Variants in LRRK1 observed in about 807,000 individuals in gnomAD.
The protein encoded by LRRK1 is leucine-rich repeat serine/threonine-protein kinase 1.
A neutral mutation model predicts 209.1 loss-of-function variants in LRRK1; 113 were observed. That is an observed-to-expected ratio of 0.54 (90% CI 0.46 to 0.63). The LOEUF is 0.63. Ranked by LOEUF, LRRK1 falls within the 30% of genes least tolerant of loss-of-function variation. The probability of loss-of-function intolerance (pLI) is 0.00; values close to 1 mark genes in which losing one functional copy is unlikely to be tolerated. For synonymous variants in LRRK1, 1,144 were observed against 1,099.7 expected (o/e 1.04, Z -0.80); for missense variants, 2,284 against 2,632.2 (o/e 0.87, Z 2.89).
chr15:101,008,698 G>A, intron 6 of LRRK1, 139 bp from the exon 7 acceptor site: 1 of 669,630 alleles, frequency 1.5e-6, no homozygotes, highest in East Asian at 2.7e-5. Context: ...CGGCCGAGAA[G>A]GACATGTGCA....
rs35943191 is a variant in LRRK1, at chr15:100,922,440, A to AT, written c.-122-2058dup. On this transcript the variant is annotated intron_variant, in intron 1 of 33. Coordinates refer to ENST00000388948, the MANE Select transcript of LRRK1 (RefSeq NM_024652.6). ...AGGGTTAGCCTGAAATAATTTTAAG[A>AT]TTTTTTTTTTTTTAGAACTTAAAAA... Among the ~76,000 whole-genome samples, 1,433 of 148,400 alleles carry AT rather than the reference A, an allele frequency of 9.7e-3. 12 individuals carry two copies. The highest frequency in any genetic ancestry group is 1.0e-2 in the Admixed American group (149 of 14,974).
At chr15:100,955,071 A>G (rs909601672) in intron 2 of LRRK1, among the ~76,000 whole-genome samples, 1 of 152,168 alleles carries the variant, frequency 6.6e-6, no homozygotes, top group Non-Finnish European at 1.5e-5. Context: ...CAGGAATTGC[A>G]TTGAGTCTGT....
intron 7 of LRRK1, 27 bp downstream of exon 7, chr15:101,009,090 C>T (rs765972167): frequency 2.6e-6 from 4 of 1,531,682 alleles, no homozygotes; most frequent in African/African-American, 1.4e-5. Context: ...TGACCGGAGC[C>T]GTGTGTGACC....
chr15:100,950,240 A>C (rs953208155), intron 2 of LRRK1, among the ~76,000 whole-genome samples: 2 of 152,272 alleles, frequency 1.3e-5, no homozygotes, highest in Non-Finnish European at 2.9e-5. Flanking sequence ...AAACACATTT[A>C]CAATAGTATC....
chr15:101,051,676 C>G, intron 23 of LRRK1, 35 bp from the exon 24 acceptor site: 1 of 1,601,536 alleles, frequency 6.2e-7, no homozygotes, highest in Non-Finnish European at 8.5e-7. Context: ...GCACCACCTT[C>G]TTGTGAAGCT....
At position 101,010,483 on chromosome 15, in the gene LRRK1, G is replaced by A. The variant is rs1351595378; in HGVS notation, c.1023G>A (p.Leu341=). 1 of 1,611,858 alleles carries A rather than the reference G, an allele frequency of 6.2e-7. No individual in the cohort carries two copies. Among genetic ancestry groups the A allele is most frequent in the Admixed American group, 1.7e-5 (1 of 59,746 alleles). Residue 341 remains leucine (L), a synonymous_variant, in exon 8 of 34, where the codon TTG becomes TTA. Coordinates refer to ENST00000388948, the MANE Select transcript of LRRK1 (RefSeq NM_024652.6). The stretch of plus-strand genomic sequence containing the variant: ...AAATTGACATTTCCAGCAACAAGTT[G>A]TCCCACCTCCCTCCTGGATTCTTGC... ...LLEIDISSNK[L]SHLPPGFLHL...
At chr15:101,004,394 G>T (rs1354303529) in intron 6 of LRRK1, among the ~76,000 whole-genome samples, 1 of 152,116 alleles carries the variant, frequency 6.6e-6, no homozygotes. Context: ...CAGGATGATT[G>T]ATCTGGTAAG....
chr15:100,951,990 T>TAA (rs1347641943), intron 2 of LRRK1, among the ~76,000 whole-genome samples: 166 of 146,690 alleles, frequency 1.1e-3, no homozygotes, highest in Admixed American at 2.5e-3. Flanking sequence ...AATAATAAAA[T>TAA]AATAGTATTA....
intron 6 of LRRK1, among the ~76,000 whole-genome samples, chr15:100,991,621 T>C (rs953818957): frequency 8.5e-5 from 13 of 152,216 alleles, no homozygotes; most frequent in Non-Finnish European, 4.4e-5. Context: ...TTTACTAGAA[T>C]TCCTCAATAC....
Position 101,068,974 on chromosome 15 carries a change from G to T in LRRK1, c.*126G>T. 1.1e-6 allele frequency: 1 copy of T among 947,824 alleles called. No homozygotes were observed. 58.7% of individuals were successfully genotyped at this position (947,824 alleles called of 1,614,324 possible). On this transcript the variant is annotated 3_prime_UTR_variant, in exon 34 of 34. Transcript: ENST00000388948. ...GATGGAGTTCTCCCCTGAACTCCTT[G>T]CTGCTAAGAAGTGCTGAGAAGTTAC...
At chr15:100,990,320 G>T (rs1018452917) in intron 6 of LRRK1, among the ~76,000 whole-genome samples, 2 of 152,060 alleles carry the variant, frequency 1.3e-5, no homozygotes, top group Non-Finnish European at 2.9e-5. Flanking sequence ...CCTGCTATTG[G>T]TGGACATTTG....
intron 2 of LRRK1, among the ~76,000 whole-genome samples, chr15:100,968,658 TTC>T (rs889041236): frequency 6.7e-6 from 1 of 149,790 alleles, no homozygotes; most frequent in African/African-American, 2.5e-5. Context: ...TTCTTTTTCT[TTC>T]TTTCTTTCTT....
intron 2 of LRRK1, among the ~76,000 whole-genome samples, chr15:100,953,544 G>A: frequency 6.7e-6 from 1 of 150,108 alleles, no homozygotes; most frequent in Non-Finnish European, 1.5e-5. Flanking sequence ...ACACACATAT[G>A]TATATGTATA....
At chr15:101,039,565 A>G (rs2034646040) in intron 20 of LRRK1, among the ~76,000 whole-genome samples, 1 of 152,004 alleles carries the variant, frequency 6.6e-6, no homozygotes, top group Admixed American at 6.6e-5. Context: ...TCTAATCTTC[A>G]CATATTTTTT....
chr15:101,068,520 C>T, intron 33 of LRRK1, 151 bp from the exon 34 acceptor site: 5 of 679,996 alleles, frequency 7.4e-6, no homozygotes, highest in Non-Finnish European at 1.1e-5. Context: ...AGAAGTGGTG[C>T]ATCTCAGCAC....
At chr15:101,063,131 G>A (rs114722339) in intron 31 of LRRK1, among the ~76,000 whole-genome samples, 1,810 of 152,244 alleles carry the variant, frequency 0.012, 28 homozygotes, top group African/African-American at 0.039. Context: ...AGTACTCGCC[G>A]TCTTACACCA....
rs1050845680 is a variant in LRRK1, at chr15:101,027,319, G to A, written c.2464G>A (p.Val822Ile). 17 of 1,613,978 alleles carry A rather than the reference G, an allele frequency of 1.1e-5. No homozygotes were observed. Among genetic ancestry groups the A allele is most frequent in the East Asian group, 4.5e-5 (2 of 44,900 alleles). ...AGGGCTGCGACAGCTGATTTTCCAC[G>A]TCACGTGCAGCATGAAGGACGTGGG... ...QEGLRQLIFH[V>I]TCSMKDVGST... The change falls in exon 18 of 34, where the codon GTC becomes ATC. Residue 822 changes from valine (V) to isoleucine (I), a missense_variant. This residue lies in a region of LRRK1 where 780 missense variants were observed against 985.2 expected (regional missense o/e 0.79). Transcript: ENST00000388948. The surrounding 1 kb of genome is among the most constrained non-coding windows in gnomAD (Gnocchi z 5.1).
intron 2 of LRRK1, among the ~76,000 whole-genome samples, chr15:100,929,889 G>A (rs1335276647): frequency 2.6e-5 from 4 of 152,352 alleles, no homozygotes; most frequent in African/African-American, 7.2e-5. Context: ...GGCCCAGGTG[G>A]CAGGCGAGGT....
intron 1 of LRRK1, among the ~76,000 whole-genome samples, chr15:100,922,337 A>T (rs889729574): frequency 1.3e-5 from 2 of 152,230 alleles, no homozygotes; most frequent in African/African-American, 4.8e-5. Context: ...AAACTGCTCC[A>T]GGGGCAGAGT....
Sources: gnomAD v4.1 joint callset for allele counts (sites outside exome capture counted in the v4.1 genomes callset) on GRCh38, gnomAD v4.1.1 for gene constraint, gnomAD v4.1.1 regional missense constraint, Gnocchi (gnomAD v3.1) non-coding constraint, MANE v1.5 for transcripts, NCBI Gene and HGNC (gene_info 2026-07-23, HGNC 2026-07-21) for gene names.